Variants in SCD5 observed in about 807,000 individuals in gnomAD.
The protein encoded by SCD5 is acyl-CoA-desaturase 4.
SCD5 carries 20 observed loss-of-function variants against 30.4 expected under a neutral mutation model. The ratio of observed to expected loss-of-function variants is 0.66; its 90% confidence interval spans 0.46 to 0.96. SCD5 has a LOEUF of 0.96. SCD5 is among the 40% of genes least tolerant of loss of function. The pLI is 0.00. For synonymous variants in SCD5, 173 were observed against 176.4 expected (o/e 0.98, Z 0.16); for missense variants, 381 against 443.3 (o/e 0.86, Z 1.26).
chr4:82,720,036 T>C (rs1375007904), intron 1 of SCD5, among the ~76,000 whole-genome samples: 1 of 151,950 alleles, frequency 6.6e-6, no homozygotes, highest in Non-Finnish European at 1.5e-5. Context: ...AAATGATTTT[T>C]AATATATTTT....
At chr4:82,709,572 G>A (rs1330268299) in intron 1 of SCD5, among the ~76,000 whole-genome samples, 3 of 152,212 alleles carry the variant, frequency 2.0e-5, no homozygotes, top group African/African-American at 7.2e-5. Context: ...GAAGTCAACT[G>A]AGCAAGGTCC....
chr4:82,754,494 G>GA (rs1721186192), intron 1 of SCD5, among the ~76,000 whole-genome samples: 1 of 152,148 alleles, frequency 6.6e-6, no homozygotes, highest in Admixed American at 6.5e-5. Context: ...GAGGGAGAGG[G>GA]ACTCCTTCCA....
chr4:82,685,580 G>C (rs1728685167), intron 2 of SCD5, among the ~76,000 whole-genome samples: 1 of 151,834 alleles, frequency 6.6e-6, no homozygotes, highest in South Asian at 2.1e-4. Flanking sequence ...GGGCATGGTG[G>C]TACGCGGCTG....
chr4:82,782,513 G>A (rs1225012930), intron 1 of SCD5, among the ~76,000 whole-genome samples: 1 of 152,026 alleles, frequency 6.6e-6, no homozygotes, highest in African/African-American at 2.4e-5. Context: ...CCTCTCCCAA[G>A]GTGCAGGTTA....
intron 1 of SCD5, among the ~76,000 whole-genome samples, chr4:82,733,413 G>A (rs893552980): frequency 5.9e-5 from 9 of 152,208 alleles, no homozygotes; most frequent in African/African-American, 2.2e-4. Context: ...TGAGCTTGGA[G>A]AAGTTACCCT....
chr4:82,665,076 A>ATT lies in SCD5; in HGVS notation c.569+15629_569+15630dup, dbSNP rs59529272. ...TACACACACACATATATATATATAT[A>ATT]TTTTTTTTTTAATTTAATCAGGCAT... On this transcript the variant is annotated intron_variant, in intron 3 of 4. Coordinates refer to ENST00000319540, the MANE Select transcript of SCD5 (RefSeq NM_001037582.3). Among the ~76,000 whole-genome samples, 39 of 74,938 alleles carry ATT rather than the reference A, an allele frequency of 5.2e-4. 1 individual carries two copies. Among genetic ancestry groups the ATT allele is most frequent in the African/African-American group, 1.0e-3 (21 of 20,694 alleles). 49.2% of individuals were successfully genotyped at this position (74,938 alleles called of 152,430 possible).
chr4:82,660,815 C>T (rs1344062640), intron 3 of SCD5: 3 of 1,609,992 alleles, frequency 1.9e-6, no homozygotes, highest in African/African-American at 1.3e-5. Context: ...GTGTGGAGTC[C>T]CCGTCTGTTA....
intron 1 of SCD5, among the ~76,000 whole-genome samples, chr4:82,714,615 T>G (rs1720185946): frequency 6.6e-6 from 1 of 151,838 alleles, no homozygotes; most frequent in Admixed American, 6.6e-5. Flanking sequence ...GGGGGTAAAA[T>G]GAAGGGAGTA....
At chr4:82,765,069 C>T (rs1027083077) in intron 1 of SCD5, among the ~76,000 whole-genome samples, 19 of 152,148 alleles carry the variant, frequency 1.2e-4, no homozygotes, top group African/African-American at 4.6e-4. Flanking sequence ...TATTTATCTA[C>T]TATTTACCAT....
chr4:82,649,515 C>T (rs1727702193), intron 3 of SCD5, among the ~76,000 whole-genome samples: 2 of 152,280 alleles, frequency 1.3e-5, no homozygotes, highest in South Asian at 4.1e-4. Context: ...TTACCTAGGG[C>T]CTTGCTCCAT....
chr4:82,703,085 T>C (rs1490044504), intron 2 of SCD5, among the ~76,000 whole-genome samples: 1 of 152,212 alleles, frequency 6.6e-6, no homozygotes, highest in African/African-American at 2.4e-5. Flanking sequence ...AAAAGCTCCA[T>C]GAAGGCGAAG....
intron 1 of SCD5, among the ~76,000 whole-genome samples, chr4:82,749,172 G>C (rs1721050753): frequency 6.6e-6 from 1 of 152,248 alleles, no homozygotes; most frequent in African/African-American, 2.4e-5. Flanking sequence ...TGATAAATTT[G>C]TGAAGAAATG....
chr4:82,741,855 G>GC (rs1008771063), intron 1 of SCD5, among the ~76,000 whole-genome samples: 1 of 142,134 alleles, frequency 7.0e-6, no homozygotes, highest in African/African-American at 2.8e-5. Context: ...AGAGTGGGCG[G>GC]GGGGGGGGAG....
chr4:82,661,316 C>G (rs1301221850), intron 3 of SCD5, among the ~76,000 whole-genome samples: 1 of 152,168 alleles, frequency 6.6e-6, no homozygotes, highest in South Asian at 2.1e-4. Flanking sequence ...CTGCACATGA[C>G]TAATCTAAAT....
intron 2 of SCD5, among the ~76,000 whole-genome samples, chr4:82,700,652 T>C (rs1474780172): frequency 3.3e-5 from 5 of 151,938 alleles, no homozygotes; most frequent in African/African-American, 4.8e-5. Context: ...CTGGGTGTGG[T>C]GCTATGTGCC....
At chr4:82,647,748 TA>T (rs59373373) in intron 3 of SCD5, among the ~76,000 whole-genome samples, 21,731 of 152,142 alleles carry the variant, frequency 0.14, 2,196 homozygotes, top group African/African-American at 0.29. Flanking sequence ...AACCGTGCTG[TA>T]AAAACTCCGG....
At chr4:82,669,386 AG>A (rs1432320582) in intron 3 of SCD5, among the ~76,000 whole-genome samples, 1 of 152,174 alleles carries the variant, frequency 6.6e-6, no homozygotes, top group Non-Finnish European at 1.5e-5. Flanking sequence ...CATTCTAACA[AG>A]AAGTAAAATG....
At chr4:82,684,186 A>G (rs1728646040) in intron 2 of SCD5, among the ~76,000 whole-genome samples, 1 of 152,228 alleles carries the variant, frequency 6.6e-6, no homozygotes, top group Non-Finnish European at 1.5e-5. Flanking sequence ...CCTGACTGCA[A>G]TAGTGGAATG....
At chr4:82,780,112 A>G (rs1051139188) in intron 1 of SCD5, among the ~76,000 whole-genome samples, 1 of 152,224 alleles carries the variant, frequency 6.6e-6, no homozygotes, top group Non-Finnish European at 1.5e-5. Context: ...AAAGCACATA[A>G]ATGTTTAGGA....
Sources: allele counts gnomAD v4.1 joint callset (sites outside exome capture counted in the v4.1 genomes callset), GRCh38; gene constraint gnomAD v4.1.1; transcripts MANE v1.5; gene names NCBI Gene and HGNC (gene_info 2026-07-23, HGNC 2026-07-21).